Variants in CREBBP observed in about 807,000 individuals in gnomAD.
The protein encoded by CREBBP is CREB binding lysine acetyltransferase.
A neutral mutation model predicts 265.0 loss-of-function variants in CREBBP; 19 were observed. The ratio of observed to expected loss-of-function variants is 0.07; its 90% confidence interval spans 0.05 to 0.11. The LOEUF (loss-of-function observed/expected upper bound fraction) is 0.11. CREBBP is among the 10% of genes least tolerant of loss of function. The probability of loss-of-function intolerance (pLI) is 1.00; values close to 1 mark genes in which losing one functional copy is unlikely to be tolerated. For synonymous variants in CREBBP, 1,457 were observed against 1,223.7 expected, an observed-to-expected ratio of 1.19 and a Z score of -3.98; for missense variants, 2,525 against 3,219.0, an observed-to-expected ratio of 0.78 and a Z score of 5.22.
intron 2 of CREBBP, among the ~76,000 whole-genome samples, chr16:3,846,327 AG>A (rs1286370713): frequency 6.6e-6 from 1 of 152,262 alleles, no homozygotes; most frequent in Non-Finnish European, 1.5e-5. Context: ...GTGTTGGTCA[AG>A]ATTTGGACAG....
chr16:3,736,229 G>A (rs755252589), intron 27 of CREBBP, 26 bp from the exon 28 acceptor site: 2 of 1,611,280 alleles, frequency 1.2e-6, no homozygotes. Flanking sequence ...ACAACAGTGA[G>A]ATGAGGGCCA....
At chr16:3,761,201 T>G (rs1249967053) in intron 16 of CREBBP, among the ~76,000 whole-genome samples, 2 of 152,044 alleles carry the variant, frequency 1.3e-5, no homozygotes, top group Non-Finnish European at 2.9e-5. Context: ...TGATGTGATC[T>G]GCTTGCCTCA....
At chr16:3,743,571 G>A (rs1192126800) in intron 23 of CREBBP, 1 of 152,146 alleles carries the variant, frequency 6.6e-6, no homozygotes, top group East Asian at 1.9e-4. Flanking sequence ...CTAGTCACCT[G>A]TCCTGCCAGA....
chr16:3,729,954 G>T (rs1261656379), intron 30 of CREBBP, 80 bp from the exon 31 acceptor site: 1 of 1,563,374 alleles, frequency 6.4e-7, no homozygotes, highest in Admixed American at 1.9e-5. Context: ...TCCCTCCACC[G>T]CTAAGTCTGG....
At chr16:3,759,059 G>A (rs2052650120) in intron 16 of CREBBP, 87 bp from the exon 17 acceptor site, 2 of 1,048,202 alleles carry the variant, frequency 1.9e-6, no homozygotes, top group South Asian at 1.3e-5. Flanking sequence ...CCTGGCTGCT[G>A]TGACATCCCA....
chr16:3,819,890 C>T (rs2054109033), intron 2 of CREBBP, among the ~76,000 whole-genome samples: 2 of 152,156 alleles, frequency 1.3e-5, no homozygotes, highest in South Asian at 4.1e-4. Flanking sequence ...GATGCAACTA[C>T]CACTCATAAG....
intron 1 of CREBBP, 128 bp downstream of exon 1, chr16:3,879,704 A>C: frequency 1.0e-6 from 1 of 998,008 alleles, no homozygotes; most frequent in Non-Finnish European, 1.5e-6. Context: ...GGCGAGGGGA[A>C]CGGGCTGCGG....
intron 21 of CREBBP, among the ~76,000 whole-genome samples, chr16:3,748,031 G>A (rs559295951): frequency 9.2e-5 from 14 of 152,226 alleles, no homozygotes; most frequent in East Asian, 7.7e-4. Context: ...CGGAGGTTGC[G>A]GTGAGCTGAG....
rs1312108913 is a variant in CREBBP, at chr16:3,850,317, G to C, written c.778C>G (p.Gln260Glu). 1.2e-6 allele frequency: 2 copies of C among 1,614,104 alleles called. No individual in the cohort carries two copies. The highest frequency in any genetic ancestry group is 1.3e-5 in the African/African-American group (1 of 74,934). The change falls in exon 2 of 31, where the codon CAG (glutamine) becomes GAG (glutamate). Residue 260 changes from glutamine to glutamate, a missense_variant. This residue lies in a region of CREBBP where 356 missense variants were observed against 340.4 expected (regional missense o/e 1.05). Transcript: ENST00000262367. ...MTGHAGLNTA[Q>E]AGGMAKMGIT... is the part of the protein sequence containing the mutation. ...CTTACCTTGGCCATGCCTCCTGCCTGTGCGGTGTTCAGTCCCGCGTGACCA... is the reference window on the plus strand; with the variant it reads ...CTTACCTTGGCCATGCCTCCTGCCTCTGCGGTGTTCAGTCCCGCGTGACCA...
At position 3,850,882 on chromosome 16, in the gene CREBBP, C is replaced by T. The variant is rs2141496244; in HGVS notation, c.213G>A (p.Ser71=). The change falls in exon 2 of 31, where the codon TCG becomes TCA. Residue 71 remains serine (S), a synonymous_variant. Transcript: ENST00000262367. ...AGCCGCTGCCTCCTCGTAGAAGCTC[C>T]GACAGTTGTTTATGTTTGGAAGCAG... ...PDAASKHKQL[S]ELLRGGSGSS... 9.3e-6 allele frequency: 15 copies of T among 1,614,122 alleles called. No homozygotes were observed. The highest frequency in any genetic ancestry group is 1.3e-5 in the Non-Finnish European group (15 of 1,180,038).
intron 2 of CREBBP, among the ~76,000 whole-genome samples, chr16:3,822,032 G>A (rs1347322112): frequency 6.6e-6 from 1 of 151,600 alleles, no homozygotes; most frequent in Non-Finnish European, 1.5e-5. Flanking sequence ...TCCAGCCTGG[G>A]TAACACAGCA....
chr16:3,864,841 C>A (rs929419016), intron 1 of CREBBP, among the ~76,000 whole-genome samples: 1 of 152,138 alleles, frequency 6.6e-6, no homozygotes, highest in African/African-American at 2.4e-5. Flanking sequence ...CCAAGGCAGG[C>A]AGGTCACCTG....
chr16:3,777,839 C>T, intron 10 of CREBBP, 172 bp downstream of exon 10: 1 of 1,068,470 alleles, frequency 9.4e-7, no homozygotes, highest in Non-Finnish European at 1.4e-6. Flanking sequence ...AAGAGAGAAA[C>T]TCAGTGTCCC....
rs1291604427 is a variant in CREBBP at position 3,791,968 on chromosome 16, C to T, written c.1330+13G>A. The T allele has an allele frequency of 1.3e-6, 2 of 1,593,484 alleles. No individual in the cohort carries two copies. Among genetic ancestry groups the T allele is most frequent in the African/African-American group, 1.3e-5 (1 of 74,456 alleles). On this transcript the variant is annotated intron_variant, in intron 5 of 30. Coordinates refer to ENST00000262367, the MANE Select transcript of CREBBP (RefSeq NM_004380.3). ...TCTCATCTCCAAGCTTCTCTGCCCC[C>T]GTGCTCACTTACTTTGTTGGTTTCG... is the stretch of plus-strand genomic sequence containing the variant.
chr16:3,735,932 C>T (rs2052045915), intron 28 of CREBBP, 104 bp downstream of exon 28: 1 of 1,593,232 alleles, frequency 6.3e-7, no homozygotes, highest in Admixed American at 1.7e-5. Context: ...TGAACGGAGA[C>T]ACCACCACAG....
intron 2 of CREBBP, among the ~76,000 whole-genome samples, chr16:3,818,580 T>TC (rs1429822712): frequency 6.6e-6 from 1 of 152,140 alleles, no homozygotes; most frequent in Non-Finnish European, 1.5e-5. Context: ...TGCCTTGGCC[T>TC]CCCAAAGGGC....
In CREBBP at chr16:3,807,729, T is replaced by C. The variant is rs774785847; in HGVS notation, c.975+2874A>G. Among the ~76,000 whole-genome samples, 50 of 152,184 alleles carry C rather than the reference T, an allele frequency of 3.3e-4. 2 individuals carry two copies. The highest frequency in any genetic ancestry group is 5.6e-4 in the Non-Finnish European group (38 of 68,034). On this transcript the variant is annotated intron_variant, in intron 3 of 30. Transcript: ENST00000262367. ...AGCTGTAAAATGGGACCTGGAATGA[T>C]GTCTCTCAAGAGGCTATTGCAGGAA...
chr16:3,736,382 G>A (rs139369782), intron 27 of CREBBP, 179 bp from the exon 28 acceptor site: 5 of 767,352 alleles, frequency 6.5e-6, no homozygotes, highest in Admixed American at 6.3e-5. Flanking sequence ...CCACAGTGCT[G>A]GAGCCCCTAT....
rs1196090749 is a variant in CREBBP, at chr16:3,726,002, TG to T, written c.*1715del. 1 of 232,974 alleles carries T rather than the reference TG, an allele frequency of 4.3e-6. No individual in the cohort carries two copies. Among genetic ancestry groups the T allele is most frequent in the Non-Finnish European group, 8.5e-6 (1 of 117,934 alleles). 14.4% of individuals were successfully genotyped at this position (232,974 alleles called of 1,614,324 possible). ...GTCTCACCCACTCAGTAAGGGAGCC[TG>T]GAACTGGACTCCAAGGGAGGCAGGA... is the stretch of plus-strand genomic sequence containing the variant. On this transcript the variant is annotated 3_prime_UTR_variant, in exon 31 of 31. Transcript: ENST00000262367.
Sources: gnomAD v4.1 joint callset for allele counts (sites outside exome capture counted in the v4.1 genomes callset) on GRCh38, gnomAD v4.1.1 for gene constraint, gnomAD v4.1.1 regional missense constraint, MANE v1.5 for transcripts, NCBI Gene and HGNC (gene_info 2026-07-23, HGNC 2026-07-21) for gene names.